The following PTPN21 variants were observed in gnomAD, a reference collection of about 807,000 sequenced individuals.
PTPN21 encodes the protein protein tyrosine phosphatase non-receptor type 21.
In PTPN21, 77 loss-of-function variants were observed where a neutral mutation model predicts 131.8. The ratio of observed to expected loss-of-function variants is 0.58; its 90% confidence interval spans 0.49 to 0.71. PTPN21 has a LOEUF of 0.71. PTPN21 is among the 30% of genes least tolerant of loss of function. The pLI is 0.00. For missense variants in PTPN21, 1,552 were observed against 1,527.1 expected (o/e 1.02, Z -0.27); for synonymous variants, 715 against 621.3 (o/e 1.15, Z -2.24).
intron 5 of PTPN21, 95 bp from the exon 6 acceptor site, chr14:88,504,590 C>A: frequency 1.0e-6 from 1 of 958,558 alleles, no homozygotes; most frequent in Admixed American, 1.8e-5. Context: ...TCGTCACTAT[C>A]AGGCAAAATT....
chr14:88,468,514 T>C (rs185448461), intron 18 of PTPN21, among the ~76,000 whole-genome samples: 88 of 152,308 alleles, frequency 5.8e-4, no homozygotes, highest in African/African-American at 2.1e-3. Flanking sequence ...TTTGTATGGT[T>C]GGACATAATT....
intron 8 of PTPN21, 96 bp downstream of exon 8, chr14:88,500,687 G>T (rs931054467): frequency 1.2e-6 from 1 of 840,594 alleles, no homozygotes; most frequent in Non-Finnish European, 2.0e-6. Flanking sequence ...TGAGACCTTG[G>T]TATAGACTTG....
At chr14:88,504,586 C>T in intron 5 of PTPN21, 91 bp from the exon 6 acceptor site, 2 of 980,064 alleles carry the variant, frequency 2.0e-6, no homozygotes, top group Non-Finnish European at 3.3e-6. Flanking sequence ...ACTCTCGTCA[C>T]TATCAGGCAA....
chr14:88,529,676 C>T (rs1213708947), intron 2 of PTPN21, among the ~76,000 whole-genome samples: 1 of 151,978 alleles, frequency 6.6e-6, no homozygotes, highest in Non-Finnish European at 1.5e-5. Flanking sequence ...TATCTAAAGT[C>T]AAGACAGAGG....
At chr14:88,535,676 G>C (rs1158122027) in intron 2 of PTPN21, among the ~76,000 whole-genome samples, 1 of 152,176 alleles carries the variant, frequency 6.6e-6, no homozygotes, top group African/African-American at 2.4e-5. Context: ...CTTGAATCAA[G>C]CATGCTTCTT....
At chr14:88,540,671 A>AT (rs2078692966) in intron 2 of PTPN21, among the ~76,000 whole-genome samples, 1 of 151,858 alleles carries the variant, frequency 6.6e-6, no homozygotes, top group Non-Finnish European at 1.5e-5. Flanking sequence ...TTTTATTTTT[A>AT]TTTTTTCTGG....
At chr14:88,531,400 T>C (rs1277425123) in intron 2 of PTPN21, among the ~76,000 whole-genome samples, 1 of 151,866 alleles carries the variant, frequency 6.6e-6, no homozygotes, top group Non-Finnish European at 1.5e-5. Flanking sequence ...CTACTAAAAT[T>C]ACAAAAATTA....
intron 2 of PTPN21, among the ~76,000 whole-genome samples, chr14:88,544,321 G>A (rs1051836210): frequency 6.6e-6 from 1 of 152,006 alleles, no homozygotes; most frequent in South Asian, 2.1e-4. Context: ...ACTCCAGCCT[G>A]GGCAACAGAG....
rs2077600398 is a variant in PTPN21, at chr14:88,479,351, T to C, written c.2080A>G (p.Arg694Gly). The C allele has an allele frequency of 6.2e-7, 1 of 1,613,104 alleles. No individual in the cohort carries two copies. Among genetic ancestry groups the C allele is most frequent in the Non-Finnish European group, 8.5e-7 (1 of 1,179,610 alleles). ...REGPEEAEGL[R>G]YGHKKSLSDA... is the part of the protein sequence containing the mutation. Reference sequence around the variant, plus strand: ...GACAGGGACTTCTTATGGCCGTACCTCAAGCCCTCCGCCTCCTCCGGCCCT... The same window carrying C: ...GACAGGGACTTCTTATGGCCGTACCCCAAGCCCTCCGCCTCCTCCGGCCCT... The change falls in exon 13 of 19, where the codon AGG (arginine) becomes GGG (glycine). Residue 694 changes from arginine to glycine, a missense_variant. Transcript: ENST00000556564.
chr14:88,529,067 G>A lies in PTPN21; in HGVS notation c.181-11806C>T, dbSNP rs143399424. ...CTTGTCTTGTTCCAGTTTTCAGGGG[G>A]AATGCTTTCAACTCTTCCCCATTCA... On this transcript the variant is annotated intron_variant, in intron 2 of 18. Coordinates refer to ENST00000556564, the MANE Select transcript of PTPN21 (RefSeq NM_007039.4). Among the ~76,000 whole-genome samples the A allele has an allele frequency of 5.9e-3, 905 of 152,242 alleles. 11 individuals carry two copies. The highest frequency in any genetic ancestry group is 0.021 in the African/African-American group (876 of 41,546).
At chr14:88,533,087 A>C (rs1249170928) in intron 2 of PTPN21, among the ~76,000 whole-genome samples, 1 of 152,142 alleles carries the variant, frequency 6.6e-6, no homozygotes, top group Non-Finnish European at 1.5e-5. Flanking sequence ...GAAATAACTT[A>C]TTTTCCAAAA....
intron 1 of PTPN21, chr14:88,551,527 G>T (rs1251219394): frequency 6.6e-6 from 1 of 152,244 alleles, no homozygotes; most frequent in Non-Finnish European, 1.5e-5. Flanking sequence ...CTGCAGCCGC[G>T]TTTCTGGACG....
At chr14:88,530,625 CAGG>C (rs772964779) in intron 2 of PTPN21, among the ~76,000 whole-genome samples, 6 of 151,934 alleles carry the variant, frequency 3.9e-5, no homozygotes, top group South Asian at 2.1e-4. Context: ...CAAAAGCAAG[CAGG>C]AGTAGTTATT....
At chr14:88,498,330 G>C (rs921837323) in intron 8 of PTPN21, among the ~76,000 whole-genome samples, 5 of 151,808 alleles carry the variant, frequency 3.3e-5, no homozygotes, top group Admixed American at 1.3e-4. Context: ...TAATCAGCTA[G>C]CATGAATGTT....
chr14:88,501,334 T>G lies in PTPN21; in HGVS notation c.622A>C (p.Met208Leu). 2.2e-5 allele frequency: 35 copies of G among 1,614,144 alleles called. No individual in the cohort carries two copies. The highest frequency in any genetic ancestry group is 3.0e-5 in the Non-Finnish European group (35 of 1,179,998). The change falls in exon 7 of 19, where the codon ATG becomes CTG. Residue 208 changes from methionine to leucine, a missense_variant. By Grantham distance (15) the Met-to-Leu change is conservative. Coordinates refer to ENST00000556564, the MANE Select transcript of PTPN21 (RefSeq NM_007039.4). Reference protein sequence around the residue: ...LTAPDAEMLYMQEVERMDGYG... With the variant: ...LTAPDAEMLYLQEVERMDGYG... The stretch of plus-strand genomic sequence containing the variant: ...CCATCCATTCTCTCTACCTCCTGCA[T>G]GTACAGCATTTCAGCATCAGGAGCT...
At chr14:88,533,893 G>A (rs2078589704) in intron 2 of PTPN21, among the ~76,000 whole-genome samples, 1 of 152,012 alleles carries the variant, frequency 6.6e-6, no homozygotes. Context: ...CAGTGAACTG[G>A]AAATCAGCCT....
At chr14:88,520,182 G>A (rs2139319542) in intron 2 of PTPN21, among the ~76,000 whole-genome samples, 1 of 152,298 alleles carries the variant, frequency 6.6e-6, no homozygotes, top group South Asian at 2.1e-4. Flanking sequence ...TTAGGAAGCT[G>A]AAGTGGGAAG....
chr14:88,509,574 G>C (rs116411606), intron 3 of PTPN21, among the ~76,000 whole-genome samples: 1 of 152,170 alleles, frequency 6.6e-6, no homozygotes. Flanking sequence ...TAGCTAATGG[G>C]ATGCTGGCAG....
intron 10 of PTPN21, among the ~76,000 whole-genome samples, chr14:88,495,467 C>T (rs1252561740): frequency 6.6e-6 from 1 of 152,064 alleles, no homozygotes; most frequent in Non-Finnish European, 1.5e-5. Context: ...TCAAGACCAG[C>T]CTGAACAACA....
Sources: gnomAD v4.1 joint callset for allele counts (sites outside exome capture counted in the v4.1 genomes callset) on GRCh38, gnomAD v4.1.1 for gene constraint, MANE v1.5 for transcripts, NCBI Gene and HGNC (gene_info 2026-07-23, HGNC 2026-07-21) for gene names.